Variants in AP4E1 observed in about 807,000 individuals in gnomAD.
AP4E1 encodes AP-4 complex subunit epsilon-1.
AP4E1 carries 56 observed loss-of-function variants against 128.2 expected under a neutral mutation model. That is an observed-to-expected ratio of 0.44 (90% CI 0.35 to 0.55). AP4E1 has a LOEUF of 0.55. Ranked by LOEUF, AP4E1 falls within the 20% of genes least tolerant of loss-of-function variation. The probability of loss-of-function intolerance (pLI) is 0.00; values close to 1 mark genes in which losing one functional copy is unlikely to be tolerated. For synonymous variants in AP4E1, 484 were observed against 473.1 expected (o/e 1.02, Z -0.30); for missense variants, 1,324 against 1,307.7 (o/e 1.01, Z -0.19).
intron 3 of AP4E1, among the ~76,000 whole-genome samples, chr15:50,919,539 T>A (rs1244579830): frequency 1.4e-4 from 3 of 20,724 alleles, no homozygotes; most frequent in African/African-American, 2.9e-4. Context: ...TCTCAAAAAA[T>A]AAATAAATAA....
chr15:50,980,412 A>G (rs2064627449), intron 15 of AP4E1, among the ~76,000 whole-genome samples: 1 of 152,234 alleles, frequency 6.6e-6, no homozygotes. Flanking sequence ...AAGTGCATGC[A>G]GTAAGATATG....
intron 13 of AP4E1, among the ~76,000 whole-genome samples, chr15:50,957,868 G>C (rs907018492): frequency 6.6e-6 from 1 of 151,544 alleles, no homozygotes; most frequent in Non-Finnish European, 1.5e-5. Context: ...TTAGAGATGC[G>C]GTTTCACCAT....
chr15:50,931,971 C>G (rs1195014486), intron 7 of AP4E1, among the ~76,000 whole-genome samples: 1 of 151,524 alleles, frequency 6.6e-6, no homozygotes, highest in Non-Finnish European at 1.5e-5. Context: ...TATATACTTT[C>G]AATTTTGCCA....
chr15:50,954,679 T>A (rs1010230431), intron 13 of AP4E1, among the ~76,000 whole-genome samples: 2 of 152,184 alleles, frequency 1.3e-5, no homozygotes, highest in African/African-American at 2.4e-5. Flanking sequence ...GCACAGTCTA[T>A]CTTGGTATAT....
chr15:50,978,254 G>A (rs1196481838), intron 15 of AP4E1, among the ~76,000 whole-genome samples: 1 of 152,034 alleles, frequency 6.6e-6, no homozygotes, highest in Non-Finnish European at 1.5e-5. Context: ...TTAATAAAAT[G>A]TGTTATAACT....
At chr15:50,955,397 C>T (rs1458475177) in intron 13 of AP4E1, among the ~76,000 whole-genome samples, 1 of 152,118 alleles carries the variant, frequency 6.6e-6, no homozygotes, top group Admixed American at 6.5e-5. Flanking sequence ...GATGGTATCT[C>T]ATTGTGGTTT....
At chr15:50,911,951 A>G in intron 1 of AP4E1, 127 bp from the exon 2 acceptor site, 4 of 796,588 alleles carry the variant, frequency 5.0e-6, no homozygotes, top group Non-Finnish European at 8.4e-6. Flanking sequence ...AGTATTTGTA[A>G]CTCTCCTTTA....
At chr15:50,948,672 TA>T (rs1459382608) in intron 11 of AP4E1, among the ~76,000 whole-genome samples, 6 of 152,150 alleles carry the variant, frequency 3.9e-5, no homozygotes, top group Non-Finnish European at 7.3e-5. Context: ...TTCCATTCAT[TA>T]AAAAATGTTA....
rs564440651 is a variant in AP4E1 at position 50,986,075 on chromosome 15, T to A, written c.2090+1930T>A. 1.2e-3 allele frequency among the ~76,000 whole-genome samples: 184 copies of A among 152,316 alleles called. 6 individuals carry two copies. The South Asian group carries it at 0.019, about 16-fold the overall frequency. ...GGTATTTTATTCTCTTTGAAGCAATTGTGAATGGGAGTTCACTCATGATTT... is the reference window on the plus strand; with the variant it reads ...GGTATTTTATTCTCTTTGAAGCAATAGTGAATGGGAGTTCACTCATGATTT... On this transcript the variant is annotated intron_variant, in intron 16 of 20. Transcript: ENST00000261842.
At chr15:50,973,648 C>T (rs781475926) in intron 15 of AP4E1, among the ~76,000 whole-genome samples, 2 of 152,198 alleles carry the variant, frequency 1.3e-5, no homozygotes, top group Non-Finnish European at 2.9e-5. Flanking sequence ...TTAGGTACCT[C>T]ATAAAAGTGG....
chr15:50,925,313 A>T, intron 5 of AP4E1, 94 bp downstream of exon 5: 1 of 1,331,866 alleles, frequency 7.5e-7, no homozygotes, highest in Non-Finnish European at 1.1e-6. Flanking sequence ...TGCTACCAGG[A>T]TAGAGATTAT....
At chr15:50,997,263 A>G (rs2140934121) in intron 17 of AP4E1, 63 bp from the exon 18 acceptor site, 4 of 1,366,554 alleles carry the variant, frequency 2.9e-6, no homozygotes. Flanking sequence ...TTATAGATGA[A>G]TGTTTAAAAC....
chr15:50,948,839 G>C (rs892318586), intron 11 of AP4E1, among the ~76,000 whole-genome samples: 1 of 151,988 alleles, frequency 6.6e-6, no homozygotes, highest in Middle Eastern at 3.2e-3. Flanking sequence ...GGGCATGGTG[G>C]CGCATGCCTG....
chr15:50,981,496 T>A (rs1469709449), intron 15 of AP4E1, among the ~76,000 whole-genome samples: 1 of 152,222 alleles, frequency 6.6e-6, no homozygotes, highest in Non-Finnish European at 1.5e-5. Context: ...GAAATTTGCT[T>A]TTAGTCTCAC....
chr15:51,004,264 A>G lies in AP4E1; in HGVS notation c.*1602A>G, dbSNP rs929033621. ...CCTTATCAGCTCCCTCCTTATTCCT[A>G]CCTCTGTCAGCAGCATGCCTCGCCC... On this transcript the variant is annotated 3_prime_UTR_variant, in exon 21 of 21. Transcript: ENST00000261842. 7.2e-5 allele frequency: 11 copies of G among 151,880 alleles called. No homozygotes were observed. Among genetic ancestry groups the G allele is most frequent in the African/African-American group, 2.4e-4 (10 of 41,334 alleles). The allele number at this position is 151,880 out of a possible 1,614,324, so 9.4% of individuals were successfully genotyped here.
chr15:50,959,858 G>T (rs1439534462), intron 14 of AP4E1, among the ~76,000 whole-genome samples: 2 of 152,056 alleles, frequency 1.3e-5, no homozygotes, highest in African/African-American at 4.8e-5. Flanking sequence ...AACAAAATAA[G>T]ATCCAGCTAT....
chr15:50,964,634 C>T (rs2140887964), intron 14 of AP4E1, among the ~76,000 whole-genome samples: 2 of 150,798 alleles, frequency 1.3e-5, no homozygotes, highest in African/African-American at 4.9e-5. Flanking sequence ...TAGGGAAAGA[C>T]CTCTCCCTGT....
chr15:50,924,248 A>G (rs887446444), intron 4 of AP4E1, among the ~76,000 whole-genome samples: 2 of 152,188 alleles, frequency 1.3e-5, no homozygotes, highest in African/African-American at 4.8e-5. Context: ...TTATAATTTC[A>G]TTTTAAAACA....
chr15:50,977,276 T>A (rs2064564693), intron 15 of AP4E1, among the ~76,000 whole-genome samples: 1 of 152,090 alleles, frequency 6.6e-6, no homozygotes, highest in African/African-American at 2.4e-5. Context: ...GAAGGGGAGA[T>A]ATAATAGGGA....
Sources: allele counts gnomAD v4.1 joint callset (sites outside exome capture counted in the v4.1 genomes callset), GRCh38; gene constraint gnomAD v4.1.1; transcripts MANE v1.5; gene names NCBI Gene and HGNC (gene_info 2026-07-23, HGNC 2026-07-21).